Variants in ATP9B observed in about 807,000 individuals in gnomAD.
ATP9B encodes probable phospholipid-transporting ATPase IIB.
ATP9B carries 110 observed loss-of-function variants against 146.1 expected under a neutral mutation model. The ratio of observed to expected loss-of-function variants is 0.75; its 90% CI spans 0.65 to 0.88. The LOEUF (loss-of-function observed/expected upper bound fraction) is 0.88, where lower values mean the gene tolerates loss of function less well. Ranked by LOEUF, ATP9B falls within the 40% of genes least tolerant of loss-of-function variation. The pLI is 0.00. For synonymous variants in ATP9B, 604 were observed against 569.7 expected, an observed-to-expected ratio of 1.06 and a Z score of -0.86; for missense variants, 1,499 against 1,496.4, an observed-to-expected ratio of 1.00 and a Z score of -0.03.
chr18:79,310,428 T>G (rs1268555297), intron 15 of ATP9B, among the ~76,000 whole-genome samples: 2 of 152,206 alleles, frequency 1.3e-5, no homozygotes, highest in Non-Finnish European at 2.9e-5. Context: ...AAATGTGTGT[T>G]GATAATTGAG....
chr18:79,112,251 T>C (rs1054794478), intron 3 of ATP9B, among the ~76,000 whole-genome samples: 3 of 152,152 alleles, frequency 2.0e-5, no homozygotes, highest in Non-Finnish European at 4.4e-5. Flanking sequence ...TCCAAAGAGA[T>C]TGTGATTTGT....
rs142584689 is a variant in ATP9B at position 79,159,605 on chromosome 18, C to T, written c.778+5050C>T. On this transcript the variant is annotated intron_variant, in intron 7 of 29. Transcript: ENST00000426216. ...TAGCCATCAACCCTCCCCTCAACCC[C>T]GCCACTTTCAGCTACAGCTCCATTG... Among the ~76,000 whole-genome samples the T allele has an allele frequency of 1.5e-3, 225 of 152,250 alleles. 3 individuals are homozygous for T. The highest frequency in any genetic ancestry group is 5.0e-3 in the African/African-American group (209 of 41,558).
In ATP9B at chr18:79,337,816, C is replaced by T. The variant is rs1015605998; in HGVS notation, c.2283+367C>T. On this transcript the variant is annotated intron_variant, in intron 19 of 29. Transcript: ENST00000426216. ...AGCCAGTGCCCGTCACCCTGGCCAC[C>T]GCCGGCCAGATGTCTGCAGCCATTC... Among the ~76,000 whole-genome samples the T allele has an allele frequency of 3.3e-5, 5 of 152,352 alleles. No individual in the cohort carries two copies. In the East Asian group the frequency reaches 5.8e-4, roughly 18 times the overall value.
chr18:79,209,362 C>T (rs2095563104), intron 10 of ATP9B, among the ~76,000 whole-genome samples: 1 of 152,152 alleles, frequency 6.6e-6, no homozygotes, highest in Admixed American at 6.5e-5. Flanking sequence ...GTAATGCTTC[C>T]CTTTTTAAAA....
At chr18:79,347,344 A>C (rs2147539353) in intron 23 of ATP9B, among the ~76,000 whole-genome samples, 1 of 152,376 alleles carries the variant, frequency 6.6e-6, no homozygotes. Flanking sequence ...TGTTTCTTCA[A>C]ATATGAAAAA....
In ATP9B at chr18:79,178,647, A is replaced by G. The variant is rs117861731; in HGVS notation, c.873+1740A>G. ...ATCATATGGATTTTCTCCTTTATCTATTAATATGATGGTATGTGGACTGAT... is the reference window on the plus strand; with the variant it reads ...ATCATATGGATTTTCTCCTTTATCTGTTAATATGATGGTATGTGGACTGAT... On this transcript the variant is annotated intron_variant, in intron 8 of 29. Transcript: ENST00000426216. 6.3e-3 allele frequency among the ~76,000 whole-genome samples: 957 copies of G among 152,192 alleles called. 3 individuals are homozygous for G. Among genetic ancestry groups the G allele is most frequent in the Non-Finnish European group, 0.01 (706 of 68,008 alleles).
chr18:79,126,855 C>T (rs1403226246), intron 5 of ATP9B, among the ~76,000 whole-genome samples: 2 of 152,164 alleles, frequency 1.3e-5, no homozygotes, highest in African/African-American at 4.8e-5. Context: ...TTCTCCTTAA[C>T]CTTCATTCAG....
At chr18:79,232,707 C>T (rs1468109698) in intron 11 of ATP9B, among the ~76,000 whole-genome samples, 2 of 152,116 alleles carry the variant, frequency 1.3e-5, no homozygotes, top group African/African-American at 4.8e-5. Context: ...AACTGTGATG[C>T]ACATGTTAAG....
intron 27 of ATP9B, 94 bp from the exon 28 acceptor site, chr18:79,373,804 A>G: frequency 7.6e-7 from 1 of 1,322,614 alleles, no homozygotes. Context: ...CCTATTTTTA[A>G]GGGTCTTGAG....
intron 26 of ATP9B, among the ~76,000 whole-genome samples, chr18:79,369,532 C>CAAAAA (rs67043260): frequency 3.4e-5 from 3 of 87,968 alleles, no homozygotes; most frequent in African/African-American, 9.3e-5. Context: ...GAGTCCGTCT[C>CAAAAA]AAAAAAAAAA....
In ATP9B at chr18:79,193,206, T is replaced by C; in HGVS notation, c.897T>C (p.Tyr299=). 1 of 1,610,790 alleles carries C rather than the reference T, an allele frequency of 6.2e-7. No individual in the cohort carries two copies. Among genetic ancestry groups the C allele is most frequent in the Non-Finnish European group, 8.5e-7 (1 of 1,177,122 alleles). The part of the protein sequence containing the change: ...ALGDLFSISA[Y]VYAQKPQMDI... ...AGGACCTTTTTTCTATCAGTGCTTA[T>C]GTTTATGCTCAGAAACCACAAATGG... Residue 299 remains tyrosine, a synonymous_variant, in exon 9 of 30, where the codon TAT becomes TAC. Transcript: ENST00000426216.
chr18:79,242,857 T>A (rs1467937920), intron 11 of ATP9B, among the ~76,000 whole-genome samples: 1 of 152,220 alleles, frequency 6.6e-6, no homozygotes, highest in African/African-American at 2.4e-5. Flanking sequence ...TTTGCCAAGA[T>A]ACCAGTAATA....
At chr18:79,229,552 T>G (rs2095769421) in intron 11 of ATP9B, among the ~76,000 whole-genome samples, 1 of 152,194 alleles carries the variant, frequency 6.6e-6, no homozygotes. Context: ...GAGGCTTAAT[T>G]TCCATCTCAC....
At chr18:79,209,608 A>G (rs2095565358) in intron 10 of ATP9B, 2 of 977,728 alleles carry the variant, frequency 2.0e-6, no homozygotes, top group Non-Finnish European at 2.4e-6. Flanking sequence ...GCATCGTAAC[A>G]TGCCGGCCCC....
At chr18:79,301,344 T>G (rs936957603) in intron 13 of ATP9B, among the ~76,000 whole-genome samples, 1 of 151,994 alleles carries the variant, frequency 6.6e-6, no homozygotes, top group Non-Finnish European at 1.5e-5. Flanking sequence ...ATACAAAAAT[T>G]AGTTGGGTGT....
intron 7 of ATP9B, among the ~76,000 whole-genome samples, chr18:79,157,415 A>C (rs1296520605): frequency 2.0e-5 from 3 of 149,718 alleles, no homozygotes; most frequent in African/African-American, 4.9e-5. Context: ...AAAAAAAAAA[A>C]AAAAAAAAAC....
At chr18:79,135,257 G>A (rs181132328) in intron 5 of ATP9B, among the ~76,000 whole-genome samples, 4 of 152,290 alleles carry the variant, frequency 2.6e-5, no homozygotes, top group Admixed American at 6.5e-5. Flanking sequence ...AAAAGCCCCA[G>A]ACTCCAAGTC....
At chr18:79,127,871 T>A (rs1182739692) in intron 5 of ATP9B, among the ~76,000 whole-genome samples, 1 of 152,172 alleles carries the variant, frequency 6.6e-6, no homozygotes, top group African/African-American at 2.4e-5. Flanking sequence ...CACCTGTACA[T>A]AACTCTCTGC....
chr18:79,301,938 C>T (rs2096593252), intron 13 of ATP9B, among the ~76,000 whole-genome samples: 1 of 152,182 alleles, frequency 6.6e-6, no homozygotes, highest in African/African-American at 2.4e-5. Context: ...TGATGGAAGG[C>T]TCTGAGCCAG....
Sources: allele counts gnomAD v4.1 joint callset (sites outside exome capture counted in the v4.1 genomes callset), GRCh38; gene constraint gnomAD v4.1.1; transcripts MANE v1.5; gene names NCBI Gene and HGNC (gene_info 2026-07-23, HGNC 2026-07-21).